Variants in ZNF518A observed in about 807,000 individuals in gnomAD.
The protein encoded by ZNF518A is zinc finger protein 518A.
In ZNF518A, 47 loss-of-function variants were observed where a neutral mutation model predicts 102.7. The ratio of observed to expected loss-of-function variants is 0.46; its 90% CI spans 0.36 to 0.58. ZNF518A has a LOEUF of 0.58. Ranked by LOEUF, ZNF518A falls within the 20% of genes least tolerant of loss-of-function variation. The pLI is 0.00. For missense variants in ZNF518A, 1,793 were observed against 1,699.8 expected, an observed-to-expected ratio of 1.05 and a Z score of -0.96; for synonymous variants, 652 against 594.6, an observed-to-expected ratio of 1.10 and a Z score of -1.40.
At chr10:96,203,335 T>G (rs1417764848) in intron 1 of ZNF518A, among the ~76,000 whole-genome samples, 1 of 152,220 alleles carries the variant, frequency 6.6e-6, no homozygotes, top group African/African-American at 2.4e-5. Flanking sequence ...AGATGAATAT[T>G]ATTAAAAATT....
chr10:96,129,766 C>A (rs1303454116), upstream of ZNF518A: 3 of 152,240 alleles, frequency 2.0e-5, no homozygotes, highest in Non-Finnish European at 4.4e-5. Flanking sequence ...AGTTCCTGCT[C>A]CTGGTGTCTA....
chr10:96,193,177 T>A (rs1554893906), intron 1 of ZNF518A, among the ~76,000 whole-genome samples: 1 of 152,242 alleles, frequency 6.6e-6, no homozygotes, highest in East Asian at 1.9e-4. Flanking sequence ...TATTCTTTAC[T>A]TCCTATTCAA....
At chr10:96,190,202 G>C in intron 1 of ZNF518A, 1 of 776,628 alleles carries the variant, frequency 1.3e-6, no homozygotes, top group South Asian at 1.3e-5. Context: ...TCACGTCCAT[G>C]TCCATCGAAT....
chr10:96,189,722 C>T, intron 1 of ZNF518A: 2 of 721,090 alleles, frequency 2.8e-6, no homozygotes, highest in South Asian at 2.8e-5. Flanking sequence ...TCATCATCAT[C>T]ATCATCATCA....
intron 3 of ZNF518A, among the ~76,000 whole-genome samples, chr10:96,133,855 T>C (rs1177227622): frequency 6.6e-6 from 1 of 152,192 alleles, no homozygotes; most frequent in Non-Finnish European, 1.5e-5. Flanking sequence ...CAGAAAATAA[T>C]GTACATTGAG....
chr10:96,184,202 C>T (rs55840210), intron 1 of ZNF518A, among the ~76,000 whole-genome samples: 6,188 of 152,252 alleles, frequency 0.041, 172 homozygotes, highest in Non-Finnish European at 0.061. Flanking sequence ...TGTCTCTGCA[C>T]GTGAGATGGG....
chr10:96,168,404 A>G (rs761758688), downstream of ZNF518A, among the ~76,000 whole-genome samples: 1 of 150,158 alleles, frequency 6.7e-6, no homozygotes, highest in Non-Finnish European at 1.5e-5. Context: ...TCTTATGTTT[A>G]TTTGTGCTGG....
chr10:96,154,830 A>G (rs1328350232), intron 3 of ZNF518A, among the ~76,000 whole-genome samples: 3 of 152,214 alleles, frequency 2.0e-5, no homozygotes, highest in Non-Finnish European at 4.4e-5. Flanking sequence ...ATGTAAAACA[A>G]TTCAATAATT....
intron 1 of ZNF518A, chr10:96,203,562 A>G (rs960079119): frequency 6.5e-6 from 1 of 152,676 alleles, no homozygotes; most frequent in African/African-American, 2.4e-5. Context: ...TATCCGATTC[A>G]TATATTTTTA....
rs1554886873 is a variant in ZNF518A at position 96,160,098 on chromosome 10, A to G, written c.3776A>G (p.Lys1259Arg). 6.2e-7 allele frequency: 1 copy of G among 1,609,976 alleles called. No individual in the cohort carries two copies. Among genetic ancestry groups the G allele is most frequent in the Non-Finnish European group, 8.5e-7 (1 of 1,178,872 alleles). ...TCCAAAAAAATTTTTTCAAAAACAA[A>G]AACTCATGGAAGTAAAGACTCTGAA... is the stretch of plus-strand genomic sequence containing the variant. The part of the protein sequence containing the change: ...KTSKKIFSKT[K>R]THGSKDSETA... Residue 1259 changes from lysine (K) to arginine (R), a missense_variant, in exon 6 of 6, where the codon AAA becomes AGA. Around this residue, in one of 3 missense-constraint regions of ZNF518A, gnomAD observed 1,741 missense variants for 1,622.6 expected, o/e 1.07. Coordinates refer to ENST00000316045, the MANE Select transcript of ZNF518A (RefSeq NM_001330736.2).
rs1554885163 is a variant in ZNF518A, at chr10:96,158,840, C to T, written c.2518C>T (p.Pro840Ser). 3 of 1,613,744 alleles carry T rather than the reference C, an allele frequency of 1.9e-6. No individual in the cohort carries two copies. The highest frequency in any genetic ancestry group is 2.5e-6 in the Non-Finnish European group (3 of 1,179,746). Residue 840 changes from proline (P) to serine (S), a missense_variant, in exon 6 of 6, where the codon CCA becomes TCA. Coordinates refer to ENST00000316045, the MANE Select transcript of ZNF518A (RefSeq NM_001330736.2). ...AGATTTCAAAGTGCAAGGCATCTTC[C>T]CAGTTCCACCTGGCAGTGTGGGTAT... ...SKDFKVQGIF[P>S]VPPGSVGINV...
chr10:96,203,853 T>C, intron 2 of ZNF518A: 1 of 428,710 alleles, frequency 2.3e-6, no homozygotes, highest in East Asian at 3.6e-5. Flanking sequence ...AAAGTAAAAA[T>C]TGCCTCAAAT....
intron 1 of ZNF518A, 66 bp downstream of exon 1, chr10:96,130,818 C>T (rs2081295180): frequency 6.6e-6 from 1 of 152,274 alleles, no homozygotes; most frequent in Non-Finnish European, 1.5e-5. Context: ...CTGGCTTTCT[C>T]ACATGTAGGG....
chr10:96,131,404 A>G (rs1205329497), intron 1 of ZNF518A, among the ~76,000 whole-genome samples: 1 of 152,230 alleles, frequency 6.6e-6, no homozygotes, highest in Non-Finnish European at 1.5e-5. Flanking sequence ...ATAGAAATGC[A>G]TTCACTATCT....
chr10:96,180,180 C>CTTT (rs60561670), intron 1 of ZNF518A, among the ~76,000 whole-genome samples: 969 of 96,184 alleles, frequency 0.01, 37 homozygotes, highest in African/African-American at 0.012. Context: ...GCTCCAGCCT[C>CTTT]TTTTTTTTTT....
At chr10:96,152,692 G>A (rs1554880812) in intron 3 of ZNF518A, among the ~76,000 whole-genome samples, 1 of 152,196 alleles carries the variant, frequency 6.6e-6, no homozygotes, top group Non-Finnish European at 1.5e-5. Flanking sequence ...TGACTATATG[G>A]TATAGCCTGT....
chr10:96,179,249 A>G (rs782603763), intron 1 of ZNF518A, among the ~76,000 whole-genome samples: 1 of 152,200 alleles, frequency 6.6e-6, no homozygotes, highest in Non-Finnish European at 1.5e-5. Context: ...CACAATACAT[A>G]TGTCTGTCAA....
downstream of ZNF518A, among the ~76,000 whole-genome samples, chr10:96,165,828 T>G (rs1591269598): frequency 6.6e-6 from 1 of 152,266 alleles, no homozygotes; most frequent in East Asian, 1.9e-4. Context: ...AGAACCAATA[T>G]GAGGGCATGT....
intron 1 of ZNF518A, among the ~76,000 whole-genome samples, chr10:96,183,187 T>C (rs1272836684): frequency 6.6e-6 from 1 of 152,218 alleles, no homozygotes; most frequent in Non-Finnish European, 1.5e-5. Context: ...TCATTTTTTA[T>C]TGCATCTGTT....
Sources: gnomAD v4.1 joint callset for allele counts (sites outside exome capture counted in the v4.1 genomes callset) on GRCh38, gnomAD v4.1.1 for gene constraint, gnomAD v4.1.1 regional missense constraint, MANE v1.5 for transcripts, NCBI Gene and HGNC (gene_info 2026-07-23, HGNC 2026-07-21) for gene names.